The following SETD1B variants were observed in gnomAD, a reference collection of about 807,000 sequenced individuals.
SETD1B encodes the protein histone-lysine N-methyltransferase SETD1B.
In SETD1B, 7 loss-of-function variants were observed where a neutral mutation model predicts 148.0. That is an observed-to-expected ratio of 0.05 (90% CI 0.03 to 0.09). The LOEUF (loss-of-function observed/expected upper bound fraction) is 0.09, where lower values mean the gene tolerates loss of function less well. Ranked by LOEUF, SETD1B falls within the 10% of genes least tolerant of loss-of-function variation. The pLI is 1.00. For missense variants in SETD1B, 2,155 were observed against 2,729.9 expected (o/e 0.79, Z 4.69); for synonymous variants, 1,361 against 1,186.5 (o/e 1.15, Z -3.02).
intron 11 of SETD1B, among the ~76,000 whole-genome samples, chr12:121,821,992 G>A (rs1194522491): frequency 6.6e-6 from 1 of 152,168 alleles, no homozygotes; most frequent in African/African-American, 2.4e-5. Flanking sequence ...TTAGGCAGGA[G>A]GATCCCTTGA....
chr12:121,807,459 A>G (rs77184484), intron 4 of SETD1B, among the ~76,000 whole-genome samples: 1 of 146,310 alleles, frequency 6.8e-6, no homozygotes, highest in Non-Finnish European at 1.5e-5. Context: ...AAAAAAAAAA[A>G]AAGAAAAGAA....
the SETD1B span, chr12:121,797,479 CAAAG>C: frequency 9.2e-5 from 42 of 456,352 alleles, no homozygotes; most frequent in South Asian, 2.3e-4. Context: ...GGTGGGGGGA[CAAAG>C]AAAGAAGAGG....
chr12:121,799,751 G>A (rs1175730536), upstream of SETD1B: 1 of 144,712 alleles, frequency 6.9e-6, no homozygotes, highest in African/African-American at 2.6e-5. Flanking sequence ...CGGGGCCGCA[G>A]AACCAGCCCG....
chr12:121,793,829 A>G, the SETD1B span: 1 of 481,930 alleles, frequency 2.1e-6, no homozygotes, highest in Non-Finnish European at 3.6e-6. Context: ...TTCAGCTCTC[A>G]GTCCCAGGGA....
chr12:121,799,403 C>G (rs767958771), upstream of SETD1B: 1 of 152,196 alleles, frequency 6.6e-6, no homozygotes, highest in Non-Finnish European at 1.5e-5. Flanking sequence ...GGTCTCTGTT[C>G]TTTGCCTCTC....
chr12:121,793,142 G>A, the SETD1B span: 2 of 1,548,850 alleles, frequency 1.3e-6, no homozygotes, highest in African/African-American at 1.4e-5. Context: ...CGGCGCGCAG[G>A]CGCACTCACC....
At chr12:121,793,084 G>GA in the SETD1B span, 1 of 1,353,926 alleles carries the variant, frequency 7.4e-7, no homozygotes, top group Non-Finnish European at 1.0e-6. Flanking sequence ...CCCAGTGGGG[G>GA]ACGCCCGGGA....
chr12:121,825,349 C>T lies in SETD1B; in HGVS notation c.5320C>T (p.Pro1774Ser). ...LNSSRASTDE[P>S]PADTQGMSIP... ...CAGCAGCCGTGCCAGCACCGATGAG[C>T]CCCCCGCAGACACCCAGGTACTGCC... The change falls in exon 13 of 17, where the codon CCC becomes TCC. Residue 1774 changes from proline to serine, a missense_variant. By Grantham distance (74) the Pro-to-Ser change is moderately conservative. Around this residue, in one of 11 missense-constraint regions of SETD1B, gnomAD observed 96 missense variants for 148.7 expected, o/e 0.65. Transcript: ENST00000604567. 6.5e-7 allele frequency: 1 copy of T among 1,550,222 alleles called. No individual in the cohort carries two copies. The highest frequency in any genetic ancestry group is 8.7e-7 in the Non-Finnish European group (1 of 1,147,006).
Position 121,810,639 on chromosome 12 carries a change from C to T in SETD1B, c.1694C>T (p.Ser565Phe). ...CCCACGCCCCCCTCGTCACGCCCCTCCAGCACCGGCCTGGAGGATATCAGC... is the reference window on the plus strand; with the variant it reads ...CCCACGCCCCCCTCGTCACGCCCCTTCAGCACCGGCCTGGAGGATATCAGC... ...RGPTPPSSRP[S>F]STGLEDISPT... The change falls in exon 6 of 17, where the codon TCC becomes TTC. Residue 565 changes from serine to phenylalanine, a missense_variant. Ser to Phe is a radical substitution (Grantham distance 155, BLOSUM62 -2). Coordinates refer to ENST00000604567, the MANE Select transcript of SETD1B (RefSeq NM_001353345.2). This position sits in a 1 kb window ranked among gnomAD's most constrained non-coding sequence, Gnocchi z 7.6. The T allele has an allele frequency of 6.5e-7, 1 of 1,548,832 alleles. No individual in the cohort carries two copies. Among genetic ancestry groups the T allele is most frequent in the Non-Finnish European group, 8.7e-7 (1 of 1,146,536 alleles).
At chr12:121,793,708 C>T in the SETD1B span, 2 of 1,330,282 alleles carry the variant, frequency 1.5e-6, no homozygotes, top group Non-Finnish European at 2.0e-6. Flanking sequence ...GGGGCGGGGC[C>T]GGAACCAGCC....
the SETD1B span, chr12:121,793,263 G>A: frequency 2.6e-6 from 4 of 1,545,524 alleles, no homozygotes; most frequent in South Asian, 4.8e-5. Flanking sequence ...GGTCGGGTTG[G>A]TCCTTAGTGG....
rs1876464428 is a variant in SETD1B at position 121,819,528 on chromosome 12, A to G, written c.3543A>G (p.Val1181=). The change falls in exon 11 of 17, where the codon GTA becomes GTG. Residue 1181 remains valine, a synonymous_variant. Coordinates refer to ENST00000604567, the MANE Select transcript of SETD1B (RefSeq NM_001353345.2). ...SPSSSEDEEE[V]VAREEEEEEE... ...CATCCTCGGAGGATGAGGAGGAGGTAGTGGCCAGGGAAGAGGAGGAAGAAG... is the reference window on the plus strand; with the variant it reads ...CATCCTCGGAGGATGAGGAGGAGGTGGTGGCCAGGGAAGAGGAGGAAGAAG... 1 of 1,540,556 alleles carries G rather than the reference A, an allele frequency of 6.5e-7. No homozygotes were observed. The highest frequency in any genetic ancestry group is 1.4e-5 in the African/African-American group (1 of 72,856).
In SETD1B at chr12:121,815,406, C is replaced by CG. The variant is rs1555337168; in HGVS notation, c.2715+477dup. 1.1e-4 allele frequency among the ~76,000 whole-genome samples: 16 copies of CG among 151,856 alleles called. No homozygotes were observed. In the East Asian group the frequency reaches 2.1e-3, roughly 20 times the overall value. ...GATAGCTGGTGCAGACTGCCCCCCC[C>CG]GCCCATTGCAGACAGCTCACAGCTG... is the stretch of plus-strand genomic sequence containing the variant. On this transcript the variant is annotated intron_variant, in intron 7 of 16. Coordinates refer to ENST00000604567, the MANE Select transcript of SETD1B (RefSeq NM_001353345.2).
At chr12:121,798,684 C>T in the SETD1B span, among the ~76,000 whole-genome samples, 2 of 152,204 alleles carry the variant, frequency 1.3e-5, no homozygotes, top group Admixed American at 1.3e-4. Context: ...CCCCAGAGCT[C>T]GGTGTAGCCC....
rs1876665896 is a variant in SETD1B, at chr12:121,823,251, A to G, written c.4672A>G (p.Thr1558Ala). 1.9e-6 allele frequency: 3 copies of G among 1,549,016 alleles called. No individual in the cohort carries two copies. The highest frequency in any genetic ancestry group is 2.6e-6 in the Non-Finnish European group (3 of 1,146,712). ...CCTGCTCCTGCCGGGCCAGCCACAG[A>G]CCCCCGTCTTCCCCAGCACCCATGA... ...ELLLLPGQPQ[T>A]PVFPSTHDPR... Residue 1558 changes from threonine (T) to alanine (A), a missense_variant, in exon 12 of 17, where the codon ACC becomes GCC. This residue lies in a region of SETD1B where 862 missense variants were observed against 873.8 expected (regional missense o/e 0.99). Transcript: ENST00000604567.
chr12:121,809,973 C>T lies in SETD1B; in HGVS notation c.1028C>T (p.Thr343Ile). The part of the protein sequence containing the change: ...SPAVTAVAGA[T>I]AAFRGSSDLP... ...GCGGTCACTGCGGTGGCCGGGGCCA[C>T]AGCCGCTTTCCGGGGTTCCTCGGAC... Residue 343 changes from threonine to isoleucine, a missense_variant, in exon 6 of 17, where the codon ACA becomes ATA. By Grantham distance (89) the Thr-to-Ile change is moderately conservative. Transcript: ENST00000604567. 1 of 1,550,964 alleles carries T rather than the reference C, an allele frequency of 6.4e-7. No homozygotes were observed. The highest frequency in any genetic ancestry group is 8.7e-7 in the Non-Finnish European group (1 of 1,146,954).
At chr12:121,807,552 C>A (rs542509257) in intron 4 of SETD1B, among the ~76,000 whole-genome samples, 1 of 152,056 alleles carries the variant, frequency 6.6e-6, no homozygotes, top group African/African-American at 2.4e-5. Flanking sequence ...AAGTGTAGCT[C>A]CAGGAACGTG....
chr12:121,793,420 G>A, the SETD1B span: 1 of 1,516,254 alleles, frequency 6.6e-7, no homozygotes. Context: ...GGGACGCTGG[G>A]GACTGAGGGT....
Position 121,823,283 on chromosome 12 carries a change from G to A in SETD1B, c.4704G>A (p.Arg1568=), listed in dbSNP as rs748171259. 11 of 1,549,458 alleles carry A rather than the reference G, an allele frequency of 7.1e-6. No homozygotes were observed. The South Asian group carries it at 1.3e-4, about 18-fold the overall frequency. The part of the protein sequence containing the change: ...TPVFPSTHDP[R]TVTLDFRNAG... ...TCTTCCCCAGCACCCATGACCCCCG[G>A]ACGGTGACCCTGGACTTCCGGAACG... The change falls in exon 12 of 17, where the codon CGG becomes CGA. Residue 1568 remains arginine (R), a synonymous_variant. Transcript: ENST00000604567.
Sources: gnomAD v4.1 joint callset for allele counts (sites outside exome capture counted in the v4.1 genomes callset) on GRCh38, gnomAD v4.1.1 for gene constraint, gnomAD v4.1.1 regional missense constraint, Gnocchi (gnomAD v3.1) non-coding constraint, MANE v1.5 for transcripts, NCBI Gene and HGNC (gene_info 2026-07-23, HGNC 2026-07-21) for gene names.